The following FHIT variants were observed in gnomAD, a reference collection of about 807,000 sequenced individuals.
The protein encoded by FHIT is bis(5'-adenosyl)-triphosphatase.
FHIT carries 19 observed loss-of-function variants against 17.9 expected under a neutral mutation model. The observed-to-expected ratio is 1.06, with a 90% CI of 0.74 to 1.56. The LOEUF (loss-of-function observed/expected upper bound fraction) is 1.56, where lower values mean the gene tolerates loss of function less well. Among genes scored for constraint, FHIT ranks in the 40% most tolerant of loss-of-function variants. The pLI is 0.00. For synonymous variants in FHIT, 81 were observed against 69.7 expected, an observed-to-expected ratio of 1.16 and a Z score of -0.81; for missense variants, 248 against 189.2, an observed-to-expected ratio of 1.31 and a Z score of -1.82.
At chr3:60,982,100 A>G (rs561434490) in intron 3 of FHIT, among the ~76,000 whole-genome samples, 45 of 152,322 alleles carry the variant, frequency 3.0e-4, no homozygotes, top group African/African-American at 9.9e-4. Flanking sequence ...CAAAGCAGCA[A>G]GAGGGATCTT....
rs115691931 is a variant in FHIT, at chr3:60,043,107, T to C, written c.104-28955A>G. Among the ~76,000 whole-genome samples the C allele has an allele frequency of 7.1e-3, 1,082 of 152,312 alleles. 15 individuals carry two copies. Among genetic ancestry groups the C allele is most frequent in the African/African-American group, 0.025 (1,022 of 41,572 alleles). On this transcript the variant is annotated intron_variant, in intron 5 of 9. Transcript: ENST00000492590. ...GTACTAATCAAGCTGTGAAGGACTT[T>C]GGGCTTCTACTTCATTCTCCCTTGC...
intron 3 of FHIT, among the ~76,000 whole-genome samples, chr3:61,014,042 T>C (rs537424730): frequency 3.3e-5 from 5 of 152,196 alleles, no homozygotes; most frequent in Admixed American, 1.3e-4. Flanking sequence ...ATGAGAAGAA[T>C]CACAGGAAGG....
chr3:60,381,864 C>T (rs200780918), intron 5 of FHIT, among the ~76,000 whole-genome samples: 1 of 152,026 alleles, frequency 6.6e-6, no homozygotes, highest in South Asian at 2.1e-4. Flanking sequence ...CCACAGTAAA[C>T]AATCCCAAAT....
chr3:60,637,812 C>T (rs1252810561), intron 4 of FHIT, among the ~76,000 whole-genome samples: 3 of 152,028 alleles, frequency 2.0e-5, no homozygotes, highest in Non-Finnish European at 4.4e-5. Context: ...GTACTTAGTG[C>T]CTCTATTTTG....
At chr3:60,137,377 C>T (rs1278142922) in intron 5 of FHIT, among the ~76,000 whole-genome samples, 1 of 152,140 alleles carries the variant, frequency 6.6e-6, no homozygotes, top group East Asian at 1.9e-4. Flanking sequence ...TTCTAAAGCC[C>T]CTCAGTGAGA....
chr3:61,215,369 A>T (rs868389458), intron 1 of FHIT, among the ~76,000 whole-genome samples: 4 of 152,318 alleles, frequency 2.6e-5, no homozygotes, highest in African/African-American at 9.6e-5. Flanking sequence ...CACCAATAAC[A>T]GACAAACAGA....
At chr3:60,648,831 G>T (rs576811387) in intron 4 of FHIT, among the ~76,000 whole-genome samples, 26 of 152,246 alleles carry the variant, frequency 1.7e-4, no homozygotes, top group African/African-American at 2.2e-4. Context: ...CCCTTCTCAG[G>T]TGCAGTTTGT....
At chr3:60,044,715 C>T (rs941981090) in intron 5 of FHIT, among the ~76,000 whole-genome samples, 1 of 152,040 alleles carries the variant, frequency 6.6e-6, no homozygotes, top group Non-Finnish European at 1.5e-5. Flanking sequence ...GATTGTATAC[C>T]TCATTCCACT....
chr3:60,494,216 C>A (rs1472251837), intron 5 of FHIT, among the ~76,000 whole-genome samples: 1 of 152,202 alleles, frequency 6.6e-6, no homozygotes, highest in Admixed American at 6.5e-5. Flanking sequence ...ACATTCCCCA[C>A]TACCCACTCC....
intron 5 of FHIT, among the ~76,000 whole-genome samples, chr3:60,173,909 A>ATATG (rs1553703913): frequency 3.0e-4 from 21 of 69,764 alleles, no homozygotes; most frequent in Non-Finnish European, 4.3e-4. Flanking sequence ...ATATATATAT[A>ATATG]TATATATGTT....
intron 4 of FHIT, among the ~76,000 whole-genome samples, chr3:60,624,406 G>A (rs535164896): frequency 3.9e-5 from 6 of 152,288 alleles, no homozygotes; most frequent in Admixed American, 1.3e-4. Context: ...GGATTTGAAT[G>A]GAATTGGACA....
intron 5 of FHIT, among the ~76,000 whole-genome samples, chr3:60,226,926 A>C (rs1704236229): frequency 1.3e-5 from 2 of 152,194 alleles, no homozygotes; most frequent in Non-Finnish European, 2.9e-5. Context: ...TAGTAAATGA[A>C]TCAAATTTAA....
At chr3:61,029,075 C>T (rs139003874) in intron 3 of FHIT, among the ~76,000 whole-genome samples, 14 of 152,104 alleles carry the variant, frequency 9.2e-5, no homozygotes, top group South Asian at 4.1e-4. Context: ...CTGAGAAAAA[C>T]GAAACAAAAT....
chr3:60,575,894 G>A (rs573206813), intron 4 of FHIT, among the ~76,000 whole-genome samples: 10 of 152,250 alleles, frequency 6.6e-5, no homozygotes, highest in Middle Eastern at 6.8e-3. Context: ...AAGGACAAGG[G>A]CAAAACAGCA....
chr3:60,525,531 T>A (rs2035540900), intron 5 of FHIT, among the ~76,000 whole-genome samples: 1 of 152,200 alleles, frequency 6.6e-6, no homozygotes, highest in African/African-American at 2.4e-5. Flanking sequence ...ACCATTATAT[T>A]CTTTGCCATT....
chr3:60,367,942 GA>G (rs1159540498), intron 5 of FHIT, among the ~76,000 whole-genome samples: 1 of 152,058 alleles, frequency 6.6e-6, no homozygotes, highest in African/African-American at 2.4e-5. Flanking sequence ...CAACTATTTA[GA>G]GAAGTCCACC....
At chr3:60,673,350 A>G (rs1220758077) in intron 4 of FHIT, among the ~76,000 whole-genome samples, 2 of 152,198 alleles carry the variant, frequency 1.3e-5, no homozygotes, top group Non-Finnish European at 2.9e-5. Context: ...AAGGAATTAG[A>G]TCATGTCCTT....
At chr3:59,779,254 C>G (rs570677439) in intron 8 of FHIT, among the ~76,000 whole-genome samples, 2 of 152,132 alleles carry the variant, frequency 1.3e-5, no homozygotes, top group African/African-American at 4.8e-5. Context: ...CTTTTGGAAA[C>G]CACTGTGATC....
chr3:59,929,358 T>G (rs1395112774), intron 7 of FHIT, among the ~76,000 whole-genome samples: 2 of 139,724 alleles, frequency 1.4e-5, no homozygotes, highest in Non-Finnish European at 3.1e-5. Flanking sequence ...CGTATTGTTT[T>G]TTTGGTTTTT....
Sources: allele counts gnomAD v4.1 joint callset (sites outside exome capture counted in the v4.1 genomes callset), GRCh38; gene constraint gnomAD v4.1.1; transcripts MANE v1.5; gene names NCBI Gene and HGNC (gene_info 2026-07-23, HGNC 2026-07-21).